NDUFB9: variants seen among roughly 807,000 people sequenced by gnomAD.
NDUFB9 encodes the protein NADH dehydrogenase [ubiquinone] 1 beta subcomplex subunit 9.
A neutral mutation model predicts 30.2 loss-of-function variants in NDUFB9; 24 were observed. That is an observed-to-expected ratio of 0.80 (90% CI 0.58 to 1.12). The LOEUF is 1.12. NDUFB9 is among the 50% of genes most tolerant of loss of function. NDUFB9 has a pLI of 0.00. For missense variants in NDUFB9, 204 were observed against 226.0 expected (o/e 0.90, Z 0.62); for synonymous variants, 80 against 84.0 (o/e 0.95, Z 0.26).
In NDUFB9 at chr8:124,539,223, C is replaced by T; in HGVS notation, c.37C>T (p.Gln13Ter). The T allele has an allele frequency of 6.2e-7, 1 of 1,614,234 alleles. No homozygotes were observed. Among genetic ancestry groups the T allele is most frequent in the Non-Finnish European group, 8.5e-7 (1 of 1,180,038 alleles). ...GGCGTCGGGACCCTACCTGACCCAT[C>T]AGCAAAAGGTGTTGCGGCTTTATAA... ...FLASGPYLTH[Q>*]QKVLRLYKRA... Residue 13 changes from glutamine (Q) to a stop codon, truncating the protein, a stop_gained, in exon 1 of 4, where the codon CAG (glutamine) becomes TAG (stop). Coordinates refer to ENST00000276689, the MANE Select transcript of NDUFB9 (RefSeq NM_005005.3). LOFTEE classifies it high-confidence loss of function.
At chr8:124,540,788 T>G (rs1821937789) in intron 1 of NDUFB9, among the ~76,000 whole-genome samples, 1 of 152,206 alleles carries the variant, frequency 6.6e-6, no homozygotes, top group Non-Finnish European at 1.5e-5. Context: ...GCATACTGTG[T>G]TGTTGTATGT....
chr8:124,549,746 C>G lies in NDUFB9; in HGVS notation c.409-15C>G. 1 of 1,612,824 alleles carries G rather than the reference C, an allele frequency of 6.2e-7. No homozygotes were observed. Among genetic ancestry groups the G allele is most frequent in the South Asian group, 1.1e-5 (1 of 91,064 alleles). On this transcript the variant is annotated splice_polypyrimidine_tract_variant and intron_variant, in intron 3 of 3. Coordinates refer to ENST00000276689, the MANE Select transcript of NDUFB9 (RefSeq NM_005005.3). ...AGATTCCTTTGGTAATGATTCCTTC[C>G]TTGCCTCCTTCTAGGTTAAGCAGCT...
intron 2 of NDUFB9, among the ~76,000 whole-genome samples, chr8:124,545,340 G>A (rs547450025): frequency 3.3e-5 from 5 of 152,154 alleles, no homozygotes; most frequent in African/African-American, 9.7e-5. Flanking sequence ...GAAGTGTTTG[G>A]TGTAAGGAAG....
chr8:124,549,668 C>T (rs1822286277), intron 3 of NDUFB9, 93 bp from the exon 4 acceptor site: 2 of 1,180,234 alleles, frequency 1.7e-6, no homozygotes, highest in East Asian at 4.7e-5. Context: ...AGTGACACAC[C>T]ATAGACATAA....
chr8:124,542,929 G>C, intron 1 of NDUFB9, 158 bp from the exon 2 acceptor site: 1 of 703,068 alleles, frequency 1.4e-6, no homozygotes, highest in East Asian at 2.8e-5. Flanking sequence ...GTGGGCTGTA[G>C]AGGAAGCAGC....
In NDUFB9 at chr8:124,547,998, AAG is replaced by A. The variant is rs538650204; in HGVS notation, c.408+891_408+892del. ...AGACTCCATCCCAAAAGAAAAAAAA[AAG>A]AGAGAATGGTTTCTGGGTTTTAAGC... On this transcript the variant is annotated intron_variant, in intron 3 of 3. Transcript: ENST00000276689. Among the ~76,000 whole-genome samples, 44 of 152,196 alleles carry A rather than the reference AAG, an allele frequency of 2.9e-4. 1 individual carries two copies. The South Asian group carries it at 8.1e-3, about 28-fold the overall frequency.
Position 124,539,200 on chromosome 8 carries a change from C to T in NDUFB9, c.14C>T (p.Ala5Val). The T allele has an allele frequency of 1.2e-6, 2 of 1,614,206 alleles. No individual in the cohort carries two copies. Among genetic ancestry groups the T allele is most frequent in the Non-Finnish European group, 8.5e-7 (1 of 1,180,032 alleles). MAFL[A>V]SGPYLTHQQK... ...GTCAGCGCCGTAATGGCGTTCTTGG[C>T]GTCGGGACCCTACCTGACCCATCAG... Residue 5 changes from alanine to valine, a missense_variant, in exon 1 of 4, where the codon GCG becomes GTG. Coordinates refer to ENST00000276689, the MANE Select transcript of NDUFB9 (RefSeq NM_005005.3).
At chr8:124,543,510 G>C (rs900118116) in intron 2 of NDUFB9, among the ~76,000 whole-genome samples, 1 of 152,202 alleles carries the variant, frequency 6.6e-6, no homozygotes, top group Admixed American at 6.5e-5. Context: ...GAGCAAGTCT[G>C]TGGGCACCAT....
chr8:124,548,517 G>A (rs890409380), intron 3 of NDUFB9, among the ~76,000 whole-genome samples: 4 of 152,186 alleles, frequency 2.6e-5, no homozygotes, highest in Admixed American at 1.3e-4. Context: ...GAGAGTAGTA[G>A]GATGGCCAGG....
Position 124,549,742 on chromosome 8 carries a change from C to T in NDUFB9, c.409-19C>T. 1 of 1,612,582 alleles carries T rather than the reference C, an allele frequency of 6.2e-7. No individual in the cohort carries two copies. Among genetic ancestry groups the T allele is most frequent in the Non-Finnish European group, 8.5e-7 (1 of 1,178,666 alleles). ...AATTAGATTCCTTTGGTAATGATTC[C>T]TTCCTTGCCTCCTTCTAGGTTAAGC... On this transcript the variant is annotated intron_variant, in intron 3 of 3. Coordinates refer to ENST00000276689, the MANE Select transcript of NDUFB9 (RefSeq NM_005005.3).
At chr8:124,541,235 T>C (rs188576626) in intron 1 of NDUFB9, among the ~76,000 whole-genome samples, 1 of 152,312 alleles carries the variant, frequency 6.6e-6, no homozygotes, top group East Asian at 1.9e-4. Flanking sequence ...TTATCTAAAT[T>C]CTTTGAAATC....
intron 2 of NDUFB9, 152 bp downstream of exon 2, chr8:124,543,431 C>G (rs1341628025): frequency 7.5e-6 from 6 of 800,990 alleles, no homozygotes; most frequent in Non-Finnish European, 1.0e-5. Context: ...CATTTTATTG[C>G]ATTTTGTTTT....
chr8:124,545,707 T>A (rs1001695042), intron 2 of NDUFB9, among the ~76,000 whole-genome samples: 2 of 152,152 alleles, frequency 1.3e-5, no homozygotes, highest in African/African-American at 4.8e-5. Context: ...TTATTTTATT[T>A]TTTGTAGAGA....
chr8:124,545,813 G>T (rs1822142694), intron 2 of NDUFB9, among the ~76,000 whole-genome samples: 1 of 151,892 alleles, frequency 6.6e-6, no homozygotes, highest in Non-Finnish European at 1.5e-5. Flanking sequence ...AAAGGCAGGA[G>T]CCACCTCACC....
At chr8:124,544,766 G>T (rs78822806) in intron 2 of NDUFB9, among the ~76,000 whole-genome samples, 3 of 152,026 alleles carry the variant, frequency 2.0e-5, no homozygotes, top group African/African-American at 4.8e-5. Context: ...ATGGATCAAG[G>T]AGTAATTTCC....
At chr8:124,542,165 C>T (rs900427581) in intron 1 of NDUFB9, among the ~76,000 whole-genome samples, 13 of 151,946 alleles carry the variant, frequency 8.6e-5, no homozygotes, top group African/African-American at 2.9e-4. Flanking sequence ...ATCCCCCTGC[C>T]TTGGCCTCCC....
chr8:124,539,152 G>C lies in NDUFB9; in HGVS notation c.-35G>C, dbSNP rs762838786. Reference sequence around the variant, plus strand: ...ACCCGCAGCAGGCGTGCAGTTTCCCGGCTCTCCGCGCGGCCGGGGAAGGTC... The same window carrying C: ...ACCCGCAGCAGGCGTGCAGTTTCCCCGCTCTCCGCGCGGCCGGGGAAGGTC... On this transcript the variant is annotated 5_prime_UTR_variant, in exon 1 of 4. Transcript: ENST00000276689. The C allele has an allele frequency of 1.9e-5, 31 of 1,613,548 alleles. No individual in the cohort carries two copies. The highest frequency in any genetic ancestry group is 5.3e-5 in the African/African-American group (4 of 74,930).
intron 1 of NDUFB9, among the ~76,000 whole-genome samples, chr8:124,541,665 G>A (rs1488321746): frequency 7.3e-5 from 11 of 151,498 alleles, no homozygotes; most frequent in South Asian, 6.3e-4. Flanking sequence ...GTGCAGTGGC[G>A]CGATCTTGGC....
At chr8:124,549,626 T>G (rs1372200731) in intron 3 of NDUFB9, 135 bp from the exon 4 acceptor site, 9 of 834,948 alleles carry the variant, frequency 1.1e-5, no homozygotes, top group South Asian at 2.9e-5. Flanking sequence ...AAAAACACTT[T>G]TCAATATTGT....
Sources: allele counts gnomAD v4.1 joint callset (sites outside exome capture counted in the v4.1 genomes callset), GRCh38; gene constraint gnomAD v4.1.1; transcripts MANE v1.5; gene names NCBI Gene and HGNC (gene_info 2026-07-23, HGNC 2026-07-21).